FBLN7: variants seen among roughly 807,000 people sequenced by gnomAD.
FBLN7 encodes the protein fibulin 7, also known as fibulin-7.
Under a neutral mutation model 44.0 loss-of-function variants are expected in FBLN7, and 31 were observed. That is an observed-to-expected ratio of 0.70 (90% CI 0.53 to 0.95). The LOEUF is 0.95. FBLN7 is among the 40% of genes least tolerant of loss of function. FBLN7 has a pLI of 0.00. For missense variants in FBLN7, 573 were observed against 618.5 expected, an observed-to-expected ratio of 0.93 and a Z score of 0.78; for synonymous variants, 262 against 253.4, an observed-to-expected ratio of 1.03 and a Z score of -0.32.
intron 3 of FBLN7, among the ~76,000 whole-genome samples, chr2:112,167,940 A>G (rs1011013471): frequency 3.3e-5 from 2 of 60,674 alleles, no homozygotes; most frequent in East Asian, 8.2e-4. Flanking sequence ...ACTTGCCCTG[A>G]TGTTTTGGGA....
At chr2:112,169,668 C>T (rs1198628292) in intron 3 of FBLN7, among the ~76,000 whole-genome samples, 1 of 152,164 alleles carries the variant, frequency 6.6e-6, no homozygotes, top group Admixed American at 6.5e-5. Flanking sequence ...ATGCCAGGGA[C>T]TCAATGTCGA....
rs1220731490 is a variant in FBLN7 at position 112,181,765 on chromosome 2, G to T, written c.559G>T (p.Asp187Tyr). 5 of 1,413,408 alleles carry T rather than the reference G, an allele frequency of 3.5e-6. No homozygotes were observed. Among genetic ancestry groups the T allele is most frequent in the Non-Finnish European group, 3.7e-6 (4 of 1,090,538 alleles). 87.6% of individuals were successfully genotyped at this position (1,413,408 alleles called of 1,614,324 possible). Reference protein sequence around the residue: ...TAAPEGSVAGDSAFSRAPRCA... With the variant: ...TAAPEGSVAGYSAFSRAPRCA... ...CGCCCCCGAGGGCAGCGTGGCCGGC[G>T]ACTCCGCCTTCAGCCGCGCGCCGCG... Residue 187 changes from aspartate to tyrosine, a missense_variant, in exon 5 of 8, where the codon GAC (aspartate) becomes TAC (tyrosine). Transcript: ENST00000331203.
At chr2:112,167,244 A>G (rs1682208170) in intron 3 of FBLN7, among the ~76,000 whole-genome samples, 1 of 152,270 alleles carries the variant, frequency 6.6e-6, no homozygotes, top group African/African-American at 2.4e-5. Context: ...AGATGATAGC[A>G]GAAAGAATGC....
intron 1 of FBLN7, among the ~76,000 whole-genome samples, chr2:112,149,115 T>C (rs1283525347): frequency 6.6e-6 from 1 of 152,174 alleles, no homozygotes; most frequent in African/African-American, 2.4e-5. Flanking sequence ...CATCTTCTGC[T>C]TTCTCTAGCA....
the FBLN7 span, among the ~76,000 whole-genome samples, chr2:112,200,223 G>T: frequency 6.6e-6 from 1 of 152,320 alleles, no homozygotes; most frequent in Admixed American, 6.5e-5. Context: ...CAGCTGTGAA[G>T]TGTGTATTAG....
the FBLN7 span, among the ~76,000 whole-genome samples, chr2:112,199,721 A>G: frequency 3.9e-5 from 6 of 152,184 alleles, no homozygotes; most frequent in Non-Finnish European, 7.3e-5. Flanking sequence ...CTCTGCCCTC[A>G]TGAATGAATT....
the FBLN7 span, among the ~76,000 whole-genome samples, chr2:112,244,377 G>A: frequency 6.6e-6 from 1 of 152,056 alleles, no homozygotes; most frequent in Non-Finnish European, 1.5e-5. Context: ...CTACATATGG[G>A]TGTATGCCAA....
At chr2:112,228,040 C>T in the FBLN7 span, among the ~76,000 whole-genome samples, 1 of 152,152 alleles carries the variant, frequency 6.6e-6, no homozygotes, top group Admixed American at 6.5e-5. Flanking sequence ...TATTTCAAAA[C>T]TTAGAACAAA....
chr2:112,200,697 A>G, the FBLN7 span, among the ~76,000 whole-genome samples: 2 of 151,734 alleles, frequency 1.3e-5, no homozygotes, highest in African/African-American at 4.8e-5. Flanking sequence ...CACCCGGCTA[A>G]TTTTTGCATT....
chr2:112,150,502 AT>A (rs1471672045), intron 1 of FBLN7, among the ~76,000 whole-genome samples: 2 of 152,150 alleles, frequency 1.3e-5, no homozygotes, highest in Non-Finnish European at 2.9e-5. Context: ...CTTTTCTCTG[AT>A]TGCATGACAA....
chr2:112,204,103 A>C, the FBLN7 span, among the ~76,000 whole-genome samples: 1 of 152,160 alleles, frequency 6.6e-6, no homozygotes, highest in Non-Finnish European at 1.5e-5. Flanking sequence ...CAAATAGAGA[A>C]TATCAATAAA....
At position 112,160,335 on chromosome 2, in the gene FBLN7, G is replaced by A. The variant is rs1681693518; in HGVS notation, c.235+500G>A. On this transcript the variant is annotated intron_variant, in intron 2 of 7. Coordinates refer to ENST00000331203, the MANE Select transcript of FBLN7 (RefSeq NM_153214.3). ...GCCTGGTTGGTGGCAGTGGGGGTGG[G>A]GGGAGCACATTAGAAAGGCAGCTGC... Among the ~76,000 whole-genome samples, 3 of 152,290 alleles carry A rather than the reference G, an allele frequency of 2.0e-5. No individual in the cohort carries two copies. The South Asian group carries it at 6.2e-4, about 32-fold the overall frequency.
the FBLN7 span, among the ~76,000 whole-genome samples, chr2:112,225,044 CTGAA>C: frequency 1.4e-3 from 206 of 152,250 alleles, 1 homozygote; most frequent in African/African-American, 4.8e-3. Context: ...TTTGATGCTA[CTGAA>C]TGAAATTGTT....
At chr2:112,231,014 C>A in the FBLN7 span, 1 of 1,002,250 alleles carries the variant, frequency 1.0e-6, no homozygotes, top group Non-Finnish European at 1.3e-6. Flanking sequence ...GGTATACTGT[C>A]ATATTCATAA....
chr2:112,159,821 C>G lies in FBLN7; in HGVS notation c.221C>G (p.Pro74Arg). 6.4e-7 allele frequency: 1 copy of G among 1,558,306 alleles called. No homozygotes were observed. Among genetic ancestry groups the G allele is most frequent in the Admixed American group, 2.0e-5 (1 of 51,108 alleles). Reference sequence around the variant, plus strand: ...CAGAACTCTGTGGGCAGGGTGGGCCCAGATGCCCTTCCAGGTGGGTCCCCA... The same window carrying G: ...CAGAACTCTGTGGGCAGGGTGGGCCGAGATGCCCTTCCAGGTGGGTCCCCA... ...ALQNSVGRVG[P>R]DALPVSCPAL... The change falls in exon 2 of 8, where the codon CCA (proline) becomes CGA (arginine). Residue 74 changes from proline to arginine, a missense_variant. Transcript: ENST00000331203.
chr2:112,185,872 T>A (rs1425506923), intron 7 of FBLN7, among the ~76,000 whole-genome samples: 1 of 152,030 alleles, frequency 6.6e-6, no homozygotes, highest in Non-Finnish European at 1.5e-5. Context: ...GTAGAGCTTT[T>A]TTTTTTTTTT....
the FBLN7 span, among the ~76,000 whole-genome samples, chr2:112,209,550 G>C: frequency 1.3e-5 from 2 of 152,182 alleles, no homozygotes; most frequent in Non-Finnish European, 2.9e-5. Context: ...GGCATCTCCA[G>C]AGTGAGAAAG....
At chr2:112,238,918 T>C in the FBLN7 span, among the ~76,000 whole-genome samples, 1 of 152,246 alleles carries the variant, frequency 6.6e-6, no homozygotes, top group South Asian at 2.1e-4. Context: ...ACAGTACTTT[T>C]AAATGTCTTC....
rs200254772 is a variant in FBLN7, at chr2:112,138,615, A to C, written c.-41A>C. On this transcript the variant is annotated 5_prime_UTR_variant, in exon 1 of 8. Coordinates refer to ENST00000331203, the MANE Select transcript of FBLN7 (RefSeq NM_153214.3). ...GGGACAAACTCGGCAGCGGAGGCAA[A>C]GTTATTTCCCCTCCCAGGCAGCGGG... 7 of 1,612,924 alleles carry C rather than the reference A, an allele frequency of 4.3e-6. No individual in the cohort carries two copies. The East Asian group carries it at 1.3e-4, about 31-fold the overall frequency.
Sources: gnomAD v4.1 joint callset for allele counts (sites outside exome capture counted in the v4.1 genomes callset) on GRCh38, gnomAD v4.1.1 for gene constraint, MANE v1.5 for transcripts, NCBI Gene and HGNC (gene_info 2026-07-23, HGNC 2026-07-21) for gene names.